The following MAGI2 variants were observed in gnomAD, a reference collection of about 807,000 sequenced individuals.
MAGI2 encodes the protein membrane associated guanylate kinase, WW and PDZ domain containing 2.
In MAGI2, 35 loss-of-function variants were observed where a neutral mutation model predicts 133.3. The ratio of observed to expected loss-of-function variants is 0.26; its 90% confidence interval spans 0.20 to 0.35. The LOEUF (loss-of-function observed/expected upper bound fraction) is 0.35. MAGI2 is among the 10% of genes least tolerant of loss of function. The pLI, the probability that MAGI2 is intolerant of heterozygous loss-of-function variation, is 1.00. For synonymous variants in MAGI2, 729 were observed against 710.6 expected (o/e 1.03, Z -0.41); for missense variants, 1,636 against 1,863.4 (o/e 0.88, Z 2.25).
intron 2 of MAGI2, among the ~76,000 whole-genome samples, chr7:78,687,183 G>C (rs989885774): frequency 1.3e-5 from 2 of 152,108 alleles, no homozygotes; most frequent in African/African-American, 4.8e-5. Context: ...TCACTCCTAA[G>C]CAGAGATGAC....
rs76930709 is a variant in MAGI2 at position 78,512,109 on chromosome 7, C to T, written c.754+9321G>A. Reference sequence around the variant, plus strand: ...CTGCACTCCAGCCTGGGTGATGGAGCGAGACTTCGTCTCAAAAAAAATAAA... The same window carrying T: ...CTGCACTCCAGCCTGGGTGATGGAGTGAGACTTCGTCTCAAAAAAAATAAA... On this transcript the variant is annotated intron_variant, in intron 4 of 21. Coordinates refer to ENST00000354212, the MANE Select transcript of MAGI2 (RefSeq NM_012301.4). Among the ~76,000 whole-genome samples the T allele has an allele frequency of 2.1e-5, 3 of 144,360 alleles. No homozygotes were observed. In the East Asian group the frequency reaches 6.1e-4, roughly 29 times the overall value. The allele number at this position is 144,360 out of a possible 152,430, so 94.7% of individuals were successfully genotyped here. A position where few individuals can be genotyped will look rare whatever the true frequency, so the allele number is the denominator to read the frequency against.
intron 1 of MAGI2, among the ~76,000 whole-genome samples, chr7:79,218,046 G>C (rs1206701723): frequency 6.6e-6 from 1 of 152,000 alleles, no homozygotes; most frequent in Non-Finnish European, 1.5e-5. Context: ...ACTGCTGACA[G>C]AGACTAGAAC....
chr7:78,858,357 T>C (rs1793841865), intron 2 of MAGI2, among the ~76,000 whole-genome samples: 1 of 152,236 alleles, frequency 6.6e-6, no homozygotes, highest in African/African-American at 2.4e-5. Flanking sequence ...GTGTCAATTT[T>C]AGATCTTTCC....
chr7:78,640,297 AAAAAC>A (rs1198411523), intron 2 of MAGI2, among the ~76,000 whole-genome samples: 1 of 152,180 alleles, frequency 6.6e-6, no homozygotes, highest in East Asian at 1.9e-4. Context: ...TAAAAAAACA[AAAAAC>A]AAAAAACAAA....
chr7:78,804,332 C>A (rs1788327288), intron 2 of MAGI2, among the ~76,000 whole-genome samples: 1 of 151,110 alleles, frequency 6.6e-6, no homozygotes. Flanking sequence ...GGGAAAAGTA[C>A]AAATATCTTA....
intron 1 of MAGI2, among the ~76,000 whole-genome samples, chr7:79,436,650 C>A (rs1848166046): frequency 6.6e-6 from 1 of 152,168 alleles, no homozygotes; most frequent in South Asian, 2.1e-4. Flanking sequence ...AATGATACAT[C>A]ATTTCACACC....
At chr7:79,205,523 T>C (rs192425517) in intron 1 of MAGI2, among the ~76,000 whole-genome samples, 26 of 151,896 alleles carry the variant, frequency 1.7e-4, no homozygotes, top group Admixed American at 1.4e-3. Context: ...CAGACACTAA[T>C]ATGTAATATG....
chr7:78,804,642 G>A (rs1221982262), intron 2 of MAGI2, among the ~76,000 whole-genome samples: 2 of 151,606 alleles, frequency 1.3e-5, no homozygotes, highest in Non-Finnish European at 2.9e-5. Context: ...CCAGCTACTC[G>A]GGAGGCTGAG....
intron 1 of MAGI2, among the ~76,000 whole-genome samples, chr7:79,193,800 T>G (rs1018925897): frequency 4.0e-5 from 6 of 151,702 alleles, no homozygotes; most frequent in Non-Finnish European, 7.4e-5. Flanking sequence ...TTTTTTAGAG[T>G]TTTTATTACA....
chr7:78,826,217 G>A (rs553242975), intron 2 of MAGI2, among the ~76,000 whole-genome samples: 23 of 151,982 alleles, frequency 1.5e-4, no homozygotes, highest in Non-Finnish European at 2.1e-4. Context: ...AGCCAGGTGT[G>A]GTGGCAGGCG....
At chr7:78,820,133 A>G (rs531942328) in intron 2 of MAGI2, among the ~76,000 whole-genome samples, 160 of 152,158 alleles carry the variant, frequency 1.1e-3, no homozygotes, top group African/African-American at 3.8e-3. Flanking sequence ...TTGGAAGAAC[A>G]GTAACATCAC....
At chr7:78,769,979 A>G (rs1335696160) in intron 2 of MAGI2, among the ~76,000 whole-genome samples, 1 of 152,052 alleles carries the variant, frequency 6.6e-6, no homozygotes, top group Admixed American at 6.6e-5. Context: ...CCTACTCCCC[A>G]CCCTTCTCCA....
intron 1 of MAGI2, among the ~76,000 whole-genome samples, chr7:79,253,206 T>C (rs1395084092): frequency 6.6e-6 from 1 of 152,226 alleles, no homozygotes; most frequent in African/African-American, 2.4e-5. Context: ...TATATTCCTA[T>C]ATTATATGTT....
chr7:78,322,506 A>G (rs1175139835), intron 9 of MAGI2, among the ~76,000 whole-genome samples: 1 of 152,180 alleles, frequency 6.6e-6, no homozygotes, highest in Non-Finnish European at 1.5e-5. Context: ...AAACTAACAC[A>G]AAAACAGAAA....
chr7:79,136,071 AAG>A (rs1252739708), intron 1 of MAGI2, among the ~76,000 whole-genome samples: 1 of 41,458 alleles, frequency 2.4e-5, no homozygotes, highest in African/African-American at 9.2e-5. Flanking sequence ...GAAAGAAGGA[AAG>A]AAAGAAAGAA....
intron 2 of MAGI2, among the ~76,000 whole-genome samples, chr7:78,979,626 G>A (rs1350042782): frequency 3.3e-5 from 5 of 151,804 alleles, no homozygotes; most frequent in Admixed American, 3.3e-4. Flanking sequence ...CACAGTCCCT[G>A]GTTGTTCACT....
chr7:78,832,069 C>T (rs1791215878), intron 2 of MAGI2, among the ~76,000 whole-genome samples: 1 of 151,472 alleles, frequency 6.6e-6, no homozygotes, highest in African/African-American at 2.4e-5. Context: ...ATAAGGGTTT[C>T]TTTCTTTCTC....
intron 1 of MAGI2, among the ~76,000 whole-genome samples, chr7:79,065,535 A>G (rs1363779158): frequency 3.9e-5 from 6 of 151,980 alleles, no homozygotes; most frequent in African/African-American, 2.4e-5. Flanking sequence ...AATTGAAACT[A>G]TTCTCATATA....
At position 79,313,030 on chromosome 7, in the gene MAGI2, A is replaced by G. The variant is rs181756672; in HGVS notation, c.301+139990T>C. Among the ~76,000 whole-genome samples the G allele has an allele frequency of 3.9e-5, 6 of 152,288 alleles. No individual in the cohort carries two copies. In the East Asian group the frequency reaches 1.2e-3, roughly 29 times the overall value. On this transcript the variant is annotated intron_variant, in intron 1 of 21. Coordinates refer to ENST00000354212, the MANE Select transcript of MAGI2 (RefSeq NM_012301.4). ...TTATTACATGGAATATTTTCTAAAT[A>G]ATACATTTTAAACATGTAAGAGAAA...
Sources: allele counts gnomAD v4.1 joint callset (sites outside exome capture counted in the v4.1 genomes callset), GRCh38; gene constraint gnomAD v4.1.1; transcripts MANE v1.5; gene names NCBI Gene and HGNC (gene_info 2026-07-23, HGNC 2026-07-21).